MARCHF3: variants seen among roughly 807,000 people sequenced by gnomAD.
MARCHF3 encodes the protein membrane associated ring-CH-type finger 3.
A neutral mutation model predicts 24.2 loss-of-function variants in MARCHF3; 13 were observed. The ratio of observed to expected loss-of-function variants is 0.54; its 90% CI spans 0.35 to 0.85. The LOEUF is 0.85. Ranked by LOEUF, MARCHF3 falls within the 40% of genes least tolerant of loss-of-function variation. The probability of loss-of-function intolerance (pLI) is 0.01; values close to 1 mark genes in which losing one functional copy is unlikely to be tolerated. For synonymous variants in MARCHF3, 144 were observed against 137.3 expected (o/e 1.05, Z -0.34); for missense variants, 276 against 325.0 (o/e 0.85, Z 1.16).
chr5:126,992,521 G>C (rs912743383), intron 1 of MARCHF3, among the ~76,000 whole-genome samples: 3 of 152,224 alleles, frequency 2.0e-5, no homozygotes, highest in Admixed American at 2.0e-4. Flanking sequence ...CAAAAACTCC[G>C]TTGAGTTTTG....
At chr5:126,898,746 T>C in intron 3 of MARCHF3, 1 of 549,158 alleles carries the variant, frequency 1.8e-6, no homozygotes, top group Non-Finnish European at 2.3e-6. Context: ...CAGCATTTCA[T>C]ATAAGTTATA....
chr5:126,992,032 G>A (rs918415298), intron 1 of MARCHF3, among the ~76,000 whole-genome samples: 8 of 152,150 alleles, frequency 5.3e-5, no homozygotes, highest in Non-Finnish European at 1.0e-4. Flanking sequence ...CAATTTACCT[G>A]ATGATAAAAG....
intron 1 of MARCHF3, among the ~76,000 whole-genome samples, chr5:126,942,889 A>G (rs1749880820): frequency 6.6e-6 from 1 of 152,232 alleles, no homozygotes; most frequent in Non-Finnish European, 1.5e-5. Flanking sequence ...ACAGCACTAC[A>G]CTGTTGGCAA....
chr5:126,871,559 CGTT>C (rs943239150), intron 4 of MARCHF3, among the ~76,000 whole-genome samples: 1 of 152,220 alleles, frequency 6.6e-6, no homozygotes, highest in Admixed American at 6.5e-5. Context: ...TGAGAGCAGG[CGTT>C]GTGTTGTGTT....
intron 3 of MARCHF3, among the ~76,000 whole-genome samples, chr5:126,897,188 T>G (rs1051321369): frequency 6.6e-5 from 10 of 151,792 alleles, no homozygotes; most frequent in Non-Finnish European, 1.3e-4. Flanking sequence ...TACAGGCATG[T>G]GCCACCACGC....
At chr5:126,980,318 C>T (rs1455777777) in intron 1 of MARCHF3, among the ~76,000 whole-genome samples, 1 of 151,978 alleles carries the variant, frequency 6.6e-6, no homozygotes, top group Non-Finnish European at 1.5e-5. Flanking sequence ...TTAAGAGAAG[C>T]CAGAAACACA....
intron 3 of MARCHF3, among the ~76,000 whole-genome samples, chr5:126,896,416 C>A (rs750614644): frequency 2.0e-5 from 3 of 152,120 alleles, no homozygotes; most frequent in African/African-American, 7.2e-5. Context: ...TATAGAAGGG[C>A]AGGCAGGAAA....
At chr5:127,019,136 A>G (rs1261972977) in intron 1 of MARCHF3, among the ~76,000 whole-genome samples, 1 of 152,194 alleles carries the variant, frequency 6.6e-6, no homozygotes, top group African/African-American at 2.4e-5. Context: ...CAAGTTCATT[A>G]GGGTTTATTG....
intron 1 of MARCHF3, among the ~76,000 whole-genome samples, chr5:126,974,870 A>G (rs1751142589): frequency 6.6e-6 from 1 of 152,238 alleles, no homozygotes; most frequent in Non-Finnish European, 1.5e-5. Flanking sequence ...ATGAGAAGCT[A>G]TGTAAGTTAC....
chr5:126,908,285 G>A (rs1330613100), intron 3 of MARCHF3, among the ~76,000 whole-genome samples: 1 of 152,058 alleles, frequency 6.6e-6, no homozygotes, highest in African/African-American at 2.4e-5. Context: ...TGGTGAATCT[G>A]ACAATTATGT....
At chr5:127,000,759 C>A (rs574148532) in intron 1 of MARCHF3, among the ~76,000 whole-genome samples, 1 of 151,824 alleles carries the variant, frequency 6.6e-6, no homozygotes. Context: ...AGTGCAGTGG[C>A]GCTATCTCGG....
chr5:126,958,145 A>G (rs1384523724), intron 1 of MARCHF3, among the ~76,000 whole-genome samples: 1 of 152,108 alleles, frequency 6.6e-6, no homozygotes, highest in African/African-American at 2.4e-5. Context: ...TTCTAGGTAA[A>G]CAGAAATATA....
intron 3 of MARCHF3, among the ~76,000 whole-genome samples, chr5:126,905,952 T>C (rs1189993039): frequency 6.6e-6 from 1 of 152,054 alleles, no homozygotes; most frequent in Admixed American, 6.6e-5. Flanking sequence ...GGCTGTGGGT[T>C]TGTCATAGAT....
At chr5:126,917,461 T>TGAAGGAGAGGACAGCAGAA (rs1340074348) in intron 2 of MARCHF3, among the ~76,000 whole-genome samples, 2 of 152,026 alleles carry the variant, frequency 1.3e-5, no homozygotes, top group African/African-American at 2.4e-5. Context: ...CCATTGAGGC[T>TGAAGGAGAGGACAGCAGAA]GAAGGAGAGG....
chr5:126,989,331 CTACTACTAA>C (rs1263020558), intron 1 of MARCHF3, among the ~76,000 whole-genome samples: 5 of 142,236 alleles, frequency 3.5e-5, no homozygotes, highest in African/African-American at 1.3e-4. Context: ...ACTACTACTA[CTACTACTAA>C]TAATAATAAT....
intron 1 of MARCHF3, among the ~76,000 whole-genome samples, chr5:126,996,140 G>C (rs1018847650): frequency 6.6e-5 from 10 of 152,150 alleles, no homozygotes; most frequent in African/African-American, 9.7e-5. Flanking sequence ...ATGTCTTCAG[G>C]CCTCAGGTCT....
rs199920906 is a variant in MARCHF3, at chr5:126,989,343, A to C, written c.-57+41007T>G. Among the ~76,000 whole-genome samples, 205 of 148,132 alleles carry C rather than the reference A, an allele frequency of 1.4e-3. 1 individual carries two copies. The highest frequency in any genetic ancestry group is 6.1e-3 in the South Asian group (28 of 4,574). On this transcript the variant is annotated intron_variant, in intron 1 of 4. Transcript: ENST00000308660. ...ACTACTACTACTACTACTACTAATAATAATAATAATATTAGGACTAAAGAG... is the reference window on the plus strand; with the variant it reads ...ACTACTACTACTACTACTACTAATACTAATAATAATATTAGGACTAAAGAG...
At position 127,030,494 on chromosome 5, in the gene MARCHF3, G is replaced by C. The variant is rs78843698; in HGVS notation, c.-201C>G. On this transcript the variant is annotated 5_prime_UTR_variant, in exon 1 of 5. Transcript: ENST00000308660. ...ACCTCAGGGGGAGTGCGGCAAGCCT[G>C]GCGGCCGCCGCGGCCACACAGTCGC... 3,130 of 152,626 alleles carry C rather than the reference G, an allele frequency of 0.021. 77 individuals are homozygous for C. Among genetic ancestry groups the C allele is most frequent in the South Asian group, 0.12 (572 of 4,828 alleles). 9.5% of individuals were successfully genotyped at this position (152,626 alleles called of 1,614,324 possible). A position where few individuals can be genotyped will look rare whatever the true frequency, so the allele number is the denominator to read the frequency against.
chr5:126,902,209 C>T (rs910893926), intron 3 of MARCHF3, among the ~76,000 whole-genome samples: 23 of 152,132 alleles, frequency 1.5e-4, no homozygotes, highest in Non-Finnish European at 2.8e-4. Context: ...GGTTTTCTCC[C>T]TGGCCCCAAC....
Sources: gnomAD v4.1 joint callset for allele counts (sites outside exome capture counted in the v4.1 genomes callset) on GRCh38, gnomAD v4.1.1 for gene constraint, MANE v1.5 for transcripts, NCBI Gene and HGNC (gene_info 2026-07-23, HGNC 2026-07-21) for gene names.